The following MAF variants were observed in gnomAD, a reference collection of about 807,000 sequenced individuals.
MAF encodes the protein MAF bZIP transcription factor.
In MAF, 10 loss-of-function variants were observed where a neutral mutation model predicts 22.0. The ratio of observed to expected loss-of-function variants is 0.45; its 90% CI spans 0.28 to 0.77. The LOEUF (loss-of-function observed/expected upper bound fraction) is 0.77, where lower values mean the gene tolerates loss of function less well. Among genes scored for constraint, MAF ranks in the 30% least tolerant of loss-of-function variants. The pLI, the probability that MAF is intolerant of heterozygous loss-of-function variation, is 0.12. For synonymous variants in MAF, 337 were observed against 255.8 expected (o/e 1.32, Z -3.03); for missense variants, 544 against 548.4 (o/e 0.99, Z 0.08).
the MAF span, among the ~76,000 whole-genome samples, chr16:79,516,917 C>T: frequency 2.0e-5 from 3 of 152,204 alleles, no homozygotes; most frequent in African/African-American, 7.2e-5. Flanking sequence ...TTTCTTTAAA[C>T]AAAATTTTGC....
the MAF span, among the ~76,000 whole-genome samples, chr16:79,498,797 C>A: frequency 6.6e-6 from 1 of 152,172 alleles, no homozygotes; most frequent in Non-Finnish European, 1.5e-5. Context: ...TCTCTTACAG[C>A]CCTTGAAAGC....
the MAF span, among the ~76,000 whole-genome samples, chr16:79,507,903 T>C: frequency 6.6e-6 from 1 of 152,220 alleles, no homozygotes; most frequent in Non-Finnish European, 1.5e-5. Flanking sequence ...CTAATTGTTA[T>C]TACCTGAAAG....
chr16:79,362,748 T>A, the MAF span, among the ~76,000 whole-genome samples: 4 of 152,200 alleles, frequency 2.6e-5, no homozygotes, highest in Non-Finnish European at 5.9e-5. Flanking sequence ...AAACTCCAAG[T>A]TGCAGATGAA....
chr16:79,224,224 G>T, the MAF span, among the ~76,000 whole-genome samples: 1 of 152,148 alleles, frequency 6.6e-6, no homozygotes, highest in Non-Finnish European at 1.5e-5. Context: ...ATCAGTAAAC[G>T]TAATCCATCA....
chr16:79,389,924 T>G, the MAF span, among the ~76,000 whole-genome samples: 1 of 123,920 alleles, frequency 8.1e-6, no homozygotes, highest in Non-Finnish European at 1.5e-5. Context: ...TGCAGTGAGC[T>G]GAGATCGTAC....
chr16:79,429,954 G>T, the MAF span, among the ~76,000 whole-genome samples: 2 of 152,084 alleles, frequency 1.3e-5, no homozygotes, highest in Non-Finnish European at 2.9e-5. Flanking sequence ...GAGGAAAAAG[G>T]GCAGGAATAC....
the MAF span, among the ~76,000 whole-genome samples, chr16:79,524,951 C>A: frequency 1.3e-5 from 2 of 152,132 alleles, no homozygotes; most frequent in Non-Finnish European, 2.9e-5. Flanking sequence ...AGTAGAGCAG[C>A]ATTAGGTTAC....
the MAF span, among the ~76,000 whole-genome samples, chr16:79,554,311 G>C: frequency 6.6e-6 from 1 of 152,162 alleles, no homozygotes; most frequent in African/African-American, 2.4e-5. Flanking sequence ...AAGTGATCAA[G>C]TTGAGGGTTC....
At chr16:79,224,544 C>T in the MAF span, among the ~76,000 whole-genome samples, 6 of 152,082 alleles carry the variant, frequency 3.9e-5, no homozygotes, top group Non-Finnish European at 8.8e-5. Context: ...AAAGGGTATT[C>T]AATTAGGAAA....
chr16:79,519,382 A>G, the MAF span, among the ~76,000 whole-genome samples: 4 of 152,224 alleles, frequency 2.6e-5, no homozygotes, highest in African/African-American at 9.6e-5. Context: ...CCCATGATGG[A>G]GAGAACATCT....
At chr16:79,287,606 C>T in the MAF span, among the ~76,000 whole-genome samples, 35 of 152,320 alleles carry the variant, frequency 2.3e-4, no homozygotes, top group East Asian at 6.4e-3. Context: ...TTTGGTTTGC[C>T]TGGATCCCTT....
chr16:79,344,188 A>G, the MAF span, among the ~76,000 whole-genome samples: 1 of 152,254 alleles, frequency 6.6e-6, no homozygotes, highest in Admixed American at 6.5e-5. Context: ...TTGCATCTAT[A>G]CTGCTCAACA....
the MAF span, among the ~76,000 whole-genome samples, chr16:79,541,498 A>G: frequency 0.015 from 2,257 of 151,972 alleles, 30 homozygotes; most frequent in South Asian, 0.034. Flanking sequence ...AAAATAATAA[A>G]TGCTGCTACA....
At chr16:79,280,773 C>G in the MAF span, among the ~76,000 whole-genome samples, 2 of 152,222 alleles carry the variant, frequency 1.3e-5, no homozygotes, top group East Asian at 3.8e-4. Context: ...TTCCCTGTCA[C>G]TACACTGCTC....
At chr16:79,524,465 C>T in the MAF span, among the ~76,000 whole-genome samples, 1 of 152,110 alleles carries the variant, frequency 6.6e-6, no homozygotes, top group Non-Finnish European at 1.5e-5. Flanking sequence ...AATGGGAGCT[C>T]GGCATGAGAT....
the MAF span, among the ~76,000 whole-genome samples, chr16:79,287,011 G>C: frequency 6.6e-6 from 1 of 152,116 alleles, no homozygotes; most frequent in Non-Finnish European, 1.5e-5. Context: ...AGAAGTGAGC[G>C]TCCCCTTCGC....
At chr16:79,399,915 C>G in the MAF span, among the ~76,000 whole-genome samples, 1 of 152,132 alleles carries the variant, frequency 6.6e-6, no homozygotes, top group Non-Finnish European at 1.5e-5. Flanking sequence ...CCACACTAGT[C>G]GAAGCTCACG....
chr16:79,570,040 T>C, the MAF span, among the ~76,000 whole-genome samples: 11 of 150,488 alleles, frequency 7.3e-5, no homozygotes, highest in Non-Finnish European at 1.2e-4. Flanking sequence ...TGGATCTTTC[T>C]TCCATTGATT....
the MAF span, among the ~76,000 whole-genome samples, chr16:79,392,519 A>G: frequency 5.4e-5 from 8 of 148,750 alleles, no homozygotes; most frequent in South Asian, 4.2e-4. Flanking sequence ...GAGAGAGAGA[A>G]ACAAAGCCAG....
Sources: allele counts gnomAD v4.1 joint callset (sites outside exome capture counted in the v4.1 genomes callset), GRCh38; gene constraint gnomAD v4.1.1; transcripts MANE v1.5; gene names NCBI Gene and HGNC (gene_info 2026-07-23, HGNC 2026-07-21).